Variants in PDE4D observed in about 807,000 individuals in gnomAD.
PDE4D encodes the protein 3',5'-cyclic-AMP phosphodiesterase 4D.
Under a neutral mutation model 87.4 loss-of-function variants are expected in PDE4D, and 24 were observed. The observed-to-expected ratio is 0.27, with a 90% confidence interval of 0.20 to 0.39. The LOEUF (loss-of-function observed/expected upper bound fraction) is 0.39. Among genes scored for constraint, PDE4D ranks in the 10% least tolerant of loss-of-function variants. The pLI, the probability that PDE4D is intolerant of heterozygous loss-of-function variation, is 1.00. For missense variants in PDE4D, 714 were observed against 1,041.0 expected, an observed-to-expected ratio of 0.69 and a Z score of 4.32; for synonymous variants, 384 against 383.2, an observed-to-expected ratio of 1.00 and a Z score of -0.02.
At chr5:60,113,631 T>A (rs1404864634) in intron 2 of PDE4D, among the ~76,000 whole-genome samples, 1 of 152,112 alleles carries the variant, frequency 6.6e-6, no homozygotes, top group African/African-American at 2.4e-5. Context: ...CCCATGACAT[T>A]GGAAGAAATA....
chr5:59,029,119 A>C lies in PDE4D; in HGVS notation c.921+9740T>G, dbSNP rs575933796. ...TCCCATTTGCAATAGCATCAAAAAA[A>C]TACTTAGGAGCAGCCAGGCGTGGTG... On this transcript the variant is annotated intron_variant, in intron 6 of 14. Coordinates refer to ENST00000340635, the MANE Select transcript of PDE4D (RefSeq NM_001104631.2). 1.6e-4 allele frequency among the ~76,000 whole-genome samples: 25 copies of C among 152,238 alleles called. No homozygotes were observed. In the East Asian group the frequency reaches 2.5e-3, roughly 15 times the overall value.
chr5:60,410,020 C>T (rs1223573664), intron 1 of PDE4D, among the ~76,000 whole-genome samples: 1 of 152,158 alleles, frequency 6.6e-6, no homozygotes, highest in Admixed American at 6.5e-5. Context: ...TCTCAGGCTG[C>T]CCCATACCAA....
chr5:60,247,325 A>G (rs538679759), intron 1 of PDE4D, among the ~76,000 whole-genome samples: 1 of 152,130 alleles, frequency 6.6e-6, no homozygotes, highest in South Asian at 2.1e-4. Context: ...AAGATTAGAC[A>G]TGCAGTATTT....
At chr5:59,582,982 C>T (rs952935648) in intron 1 of PDE4D, among the ~76,000 whole-genome samples, 3 of 152,180 alleles carry the variant, frequency 2.0e-5, no homozygotes, top group Admixed American at 1.3e-4. Context: ...CAGCATTCCA[C>T]AGCCTCTCCT....
At chr5:59,462,846 C>T (rs948520498) in intron 1 of PDE4D, among the ~76,000 whole-genome samples, 8 of 151,476 alleles carry the variant, frequency 5.3e-5, no homozygotes, top group African/African-American at 1.9e-4. Context: ...TGTTTCAAAA[C>T]AAAGGGAGCA....
chr5:59,608,366 C>T (rs528987244), intron 1 of PDE4D, among the ~76,000 whole-genome samples: 1 of 152,294 alleles, frequency 6.6e-6, no homozygotes, highest in South Asian at 2.1e-4. Context: ...AATTTATTTG[C>T]TGTGTATTAT....
chr5:60,031,882 T>C (rs949433988), intron 2 of PDE4D, among the ~76,000 whole-genome samples: 1 of 152,186 alleles, frequency 6.6e-6, no homozygotes, highest in African/African-American at 2.4e-5. Context: ...TAATTACATA[T>C]GCAGAAAATA....
intron 1 of PDE4D, among the ~76,000 whole-genome samples, chr5:59,756,961 C>G (rs937053038): frequency 1.3e-5 from 2 of 152,034 alleles, no homozygotes; most frequent in African/African-American, 2.4e-5. Flanking sequence ...CCATGCCCAG[C>G]TAATTTTTAT....
At chr5:59,881,949 C>T (rs1294902158) in intron 1 of PDE4D, among the ~76,000 whole-genome samples, 2 of 152,142 alleles carry the variant, frequency 1.3e-5, no homozygotes, top group African/African-American at 2.4e-5. Context: ...GAGGAAAAGG[C>T]ATTTCAGGCA....
intron 1 of PDE4D, among the ~76,000 whole-genome samples, chr5:59,590,670 T>C (rs1825802412): frequency 6.6e-6 from 1 of 152,086 alleles, no homozygotes; most frequent in Admixed American, 6.6e-5. Context: ...TAACCTCAGC[T>C]CTACTAGAGC....
intron 1 of PDE4D, among the ~76,000 whole-genome samples, chr5:59,747,241 GA>G (rs1404848164): frequency 6.6e-6 from 1 of 152,056 alleles, no homozygotes; most frequent in Non-Finnish European, 1.5e-5. Flanking sequence ...CAAACCCAAT[GA>G]GTCCTCCAGT....
intron 6 of PDE4D, among the ~76,000 whole-genome samples, chr5:59,022,769 G>A (rs1755432555): frequency 6.6e-6 from 1 of 152,168 alleles, no homozygotes; most frequent in Non-Finnish European, 1.5e-5. Context: ...GGCAAAACGA[G>A]GTACTGTAGG....
At chr5:60,002,313 T>TG (rs1325904036) in intron 2 of PDE4D, among the ~76,000 whole-genome samples, 1 of 151,428 alleles carries the variant, frequency 6.6e-6, no homozygotes, top group Non-Finnish European at 1.5e-5. Flanking sequence ...CAGGACCATG[T>TG]GGCAACAAGG....
intron 2 of PDE4D, among the ~76,000 whole-genome samples, chr5:60,141,511 A>G (rs1203662402): frequency 6.6e-6 from 1 of 152,180 alleles, no homozygotes; most frequent in Admixed American, 6.5e-5. Context: ...TCCAATCCTT[A>G]GGTTGCAGCC....
intron 2 of PDE4D, among the ~76,000 whole-genome samples, chr5:60,165,997 T>C (rs1782860907): frequency 1.3e-5 from 2 of 152,256 alleles, no homozygotes; most frequent in South Asian, 4.1e-4. Context: ...TTTTCTCTAG[T>C]AGTGTATTCT....
intron 1 of PDE4D, among the ~76,000 whole-genome samples, chr5:59,791,911 C>T (rs532555754): frequency 6.6e-5 from 10 of 152,174 alleles, no homozygotes; most frequent in African/African-American, 9.6e-5. Flanking sequence ...TGAGACAAAA[C>T]GAGAGAATGT....
intron 5 of PDE4D, among the ~76,000 whole-genome samples, chr5:59,102,668 A>AG (rs1770957183): frequency 6.6e-6 from 1 of 152,164 alleles, no homozygotes. Flanking sequence ...TGCTTCTCAA[A>AG]GGGGGTTCCC....
intron 1 of PDE4D, among the ~76,000 whole-genome samples, chr5:59,868,739 G>A (rs538012481): frequency 6.6e-6 from 1 of 152,188 alleles, no homozygotes; most frequent in African/African-American, 2.4e-5. Context: ...AGTTTACCAA[G>A]TTTAGTTCTC....
At chr5:59,004,532 G>A (rs530861549) in intron 6 of PDE4D, among the ~76,000 whole-genome samples, 1 of 152,316 alleles carries the variant, frequency 6.6e-6, no homozygotes, top group South Asian at 2.1e-4. Flanking sequence ...CTGATATGAT[G>A]AATGATTCTT....
Sources: allele counts gnomAD v4.1 joint callset (sites outside exome capture counted in the v4.1 genomes callset), GRCh38; gene constraint gnomAD v4.1.1; transcripts MANE v1.5; gene names NCBI Gene and HGNC (gene_info 2026-07-23, HGNC 2026-07-21).